The following UBXN11 variants were observed in gnomAD, a reference collection of about 807,000 sequenced individuals.
The protein encoded by UBXN11 is UBX domain protein 11.
A neutral mutation model predicts 62.8 loss-of-function variants in UBXN11; 47 were observed. The observed-to-expected ratio is 0.75, with a 90% CI of 0.59 to 0.95. The LOEUF (loss-of-function observed/expected upper bound fraction) is 0.95, where lower values mean the gene tolerates loss of function less well. Among genes scored for constraint, UBXN11 ranks in the 40% least tolerant of loss-of-function variants. The pLI is 0.00. For synonymous variants in UBXN11, 294 were observed against 267.0 expected (o/e 1.10, Z -0.99); for missense variants, 638 against 661.7 (o/e 0.96, Z 0.39).
At chr1:26,285,793 G>T in intron 9 of UBXN11, 30 bp downstream of exon 9, 1 of 1,569,724 alleles carries the variant, frequency 6.4e-7, no homozygotes, top group South Asian at 1.2e-5. Context: ...AGGGGCACTA[G>T]AGCACCACCC....
intron 9 of UBXN11, 42 bp downstream of exon 9, chr1:26,285,781 G>T (rs760688635): frequency 2.4e-5 from 38 of 1,556,076 alleles, no homozygotes; most frequent in Admixed American, 1.4e-4. Flanking sequence ...ACAGTGGGCA[G>T]CAGGGGCACT....
At chr1:26,299,068 C>A (rs1040565959) in intron 4 of UBXN11, among the ~76,000 whole-genome samples, 7 of 152,094 alleles carry the variant, frequency 4.6e-5, no homozygotes, top group Admixed American at 4.6e-4. Context: ...CCTTAATGTT[C>A]TTGTTGGCTG....
intron 3 of UBXN11, 98 bp from the exon 4 acceptor site, chr1:26,301,122 GC>G (rs1188268122): frequency 4.4e-5 from 70 of 1,584,254 alleles, no homozygotes; most frequent in Non-Finnish European, 5.9e-5. Flanking sequence ...TATGCACTGT[GC>G]CCCAGGGAGT....
chr1:26,285,411 T>A, intron 10 of UBXN11, 53 bp downstream of exon 10: 1 of 1,586,942 alleles, frequency 6.3e-7, no homozygotes, highest in Non-Finnish European at 8.6e-7. Context: ...AGGCTGTGTA[T>A]CCCCACTCCC....
chr1:26,302,026 A>C (rs1463934765), intron 2 of UBXN11, among the ~76,000 whole-genome samples: 1 of 152,204 alleles, frequency 6.6e-6, no homozygotes, highest in Non-Finnish European at 1.5e-5. Flanking sequence ...TGCTCTGCAA[A>C]GGCTGTGAGG....
At chr1:26,292,001 C>G (rs1268273225) in intron 8 of UBXN11, among the ~76,000 whole-genome samples, 2 of 152,314 alleles carry the variant, frequency 1.3e-5, no homozygotes, top group East Asian at 1.9e-4. Context: ...GTAAAGACAC[C>G]AAGGCCACGG....
Position 26,302,815 on chromosome 1 carries a change from A to ATCC in UBXN11, c.68_69insGGA (p.Pro23_Gly24insAsp). On this transcript the variant is annotated inframe_insertion, in exon 2 of 15. Coordinates refer to ENST00000374222, the MANE Select transcript of UBXN11 (RefSeq NM_001389556.1). Reference sequence around the variant, plus strand: ...GACCCCTGAGGCTGGCTCCTTACCCAGGATTCATAGGCTCCGAGGGCAGGG... The same window carrying ATCC: ...GACCCCTGAGGCTGGCTCCTTACCCATCCGGATTCATAGGCTCCGAGGGCAGGG... 1 of 1,613,648 alleles carries ATCC rather than the reference A, an allele frequency of 6.2e-7. No individual in the cohort carries two copies. The highest frequency in any genetic ancestry group is 8.5e-7 in the Non-Finnish European group (1 of 1,179,736).
At chr1:26,297,938 G>A in intron 5 of UBXN11, 24 bp downstream of exon 5, 1 of 1,610,434 alleles carries the variant, frequency 6.2e-7, no homozygotes, top group Non-Finnish European at 8.5e-7. Flanking sequence ...CCGGCCCCTG[G>A]CCCTCTCCCA....
chr1:26,313,348 C>T (rs745854057), intron 1 of UBXN11, among the ~76,000 whole-genome samples: 4 of 152,176 alleles, frequency 2.6e-5, no homozygotes, highest in African/African-American at 4.8e-5. Flanking sequence ...TCTTGTTCTG[C>T]AGGTCTCAGC....
intron 7 of UBXN11, among the ~76,000 whole-genome samples, chr1:26,295,888 G>A (rs1300823405): frequency 6.6e-6 from 1 of 152,268 alleles, no homozygotes; most frequent in Non-Finnish European, 1.5e-5. Context: ...AATGAATGAA[G>A]TGATAACTGT....
At chr1:26,285,404 C>G (rs765680441) in intron 10 of UBXN11, 60 bp downstream of exon 10, 2 of 1,579,666 alleles carry the variant, frequency 1.3e-6, no homozygotes, top group Admixed American at 1.9e-5. Context: ...TCTGGGGAGG[C>G]TGTGTATCCC....
chr1:26,308,410 G>A (rs1000162128), upstream of UBXN11, among the ~76,000 whole-genome samples: 2 of 152,156 alleles, frequency 1.3e-5, no homozygotes, highest in Non-Finnish European at 2.9e-5. Context: ...AAGAGTCCAC[G>A]CTCTTCCTAG....
At chr1:26,314,827 G>A (rs1041144740) in intron 1 of UBXN11, among the ~76,000 whole-genome samples, 2 of 152,168 alleles carry the variant, frequency 1.3e-5, no homozygotes, top group African/African-American at 4.8e-5. Context: ...AGGGAAAGTG[G>A]AAAGTTTCCC....
At chr1:26,294,934 T>C (rs1197931044) in intron 7 of UBXN11, among the ~76,000 whole-genome samples, 1 of 152,214 alleles carries the variant, frequency 6.6e-6, no homozygotes, top group Non-Finnish European at 1.5e-5. Flanking sequence ...CTAGTTTTCC[T>C]CCCATCTCCT....
At chr1:26,306,839 G>GGGGGGGGC (rs2073682717), upstream of UBXN11, 1 of 115,040 alleles carries the variant, frequency 8.7e-6, no homozygotes, top group African/African-American at 3.7e-5. Context: ...TGGGGGGGGG[G>GGGGGGGGC]GGTGGTTCGT....
At position 26,294,305 on chromosome 1, in the gene UBXN11, C is replaced by T; in HGVS notation, c.459G>A (p.Gln153=). Reference sequence around the variant, plus strand: ...CCTGGTCCATGGGCTCGCCCACCCACTGCAGGCCATAGTCACTGAGGAACC... The same window carrying T: ...CCTGGTCCATGGGCTCGCCCACCCATTGCAGGCCATAGTCACTGAGGAACC... ...MERFLSDYGL[Q]WVGEPMDQED... The change falls in exon 8 of 15, where the codon CAG becomes CAA. Residue 153 remains glutamine (Q), a synonymous_variant. Transcript: ENST00000374222. 6.2e-7 allele frequency: 1 copy of T among 1,614,136 alleles called. No individual in the cohort carries two copies. Among genetic ancestry groups the T allele is most frequent in the South Asian group, 1.1e-5 (1 of 91,088 alleles).
intron 1 of UBXN11, among the ~76,000 whole-genome samples, chr1:26,304,334 G>A (rs772641192): frequency 5.9e-5 from 9 of 152,190 alleles, no homozygotes; most frequent in Admixed American, 2.6e-4. Context: ...GCAGCCTCAC[G>A]GGTTGTATGG....
At chr1:26,314,121 G>A (rs1177337131) in intron 1 of UBXN11, among the ~76,000 whole-genome samples, 1 of 152,156 alleles carries the variant, frequency 6.6e-6, no homozygotes, top group African/African-American at 2.4e-5. Flanking sequence ...TTGTCCTGCT[G>A]CTCAGAGGGC....
Position 26,282,371 on chromosome 1 carries a change from G to A in UBXN11, c.1491C>T (p.Pro497=), listed in dbSNP as rs554923047. The A allele has an allele frequency of 1.7e-5, 10 of 575,096 alleles. No homozygotes were observed. The highest frequency in any genetic ancestry group is 2.6e-5 in the South Asian group (1 of 38,448). The allele number at this position is 575,096 out of a possible 1,614,324, so 35.6% of individuals were successfully genotyped here. Residue 497 remains proline (P), a synonymous_variant, in exon 15 of 15, where the codon CCC becomes CCT. Coordinates refer to ENST00000374222, the MANE Select transcript of UBXN11 (RefSeq NM_001389556.1). ...CGGGACCGGGACTGGGGCCGGGACC[G>A]GGACCGGGACTGGGGCCGGGACCGG... The part of the protein sequence containing the change: ...PGPGPGPSPG[P]GPGPSPGPGP...
Sources: gnomAD v4.1 joint callset for allele counts (sites outside exome capture counted in the v4.1 genomes callset) on GRCh38, gnomAD v4.1.1 for gene constraint, MANE v1.5 for transcripts, NCBI Gene and HGNC (gene_info 2026-07-23, HGNC 2026-07-21) for gene names.